The following UNC13C variants were observed in gnomAD, a reference collection of about 807,000 sequenced individuals.
UNC13C encodes unc-13 homolog C, also known as protein unc-13 homolog C.
In UNC13C, 174 loss-of-function variants were observed where a neutral mutation model predicts 245.4. The observed-to-expected ratio is 0.71, with a 90% confidence interval of 0.63 to 0.80. The LOEUF is 0.80. UNC13C is among the 30% of genes least tolerant of loss of function. The probability of loss-of-function intolerance (pLI) is 0.00; values close to 1 mark genes in which losing one functional copy is unlikely to be tolerated. For missense variants in UNC13C, 2,829 were observed against 2,602.9 expected (o/e 1.09, Z -1.89); for synonymous variants, 992 against 895.1 (o/e 1.11, Z -1.93).
chr15:54,090,591 A>G (rs2141135475), intron 2 of UNC13C, among the ~76,000 whole-genome samples: 1 of 152,294 alleles, frequency 6.6e-6, no homozygotes. Flanking sequence ...GCTCTTAACC[A>G]ATTATGTTGT....
chr15:54,485,774 C>T (rs1461350397), intron 19 of UNC13C, among the ~76,000 whole-genome samples: 1 of 152,136 alleles, frequency 6.6e-6, no homozygotes, highest in Non-Finnish European at 1.5e-5. Flanking sequence ...TTGAGCTTGT[C>T]AAGCACACTT....
chr15:54,145,173 A>G (rs1004480846), intron 4 of UNC13C, among the ~76,000 whole-genome samples: 6 of 152,088 alleles, frequency 3.9e-5, no homozygotes, highest in Non-Finnish European at 8.8e-5. Context: ...ATTTATGTAC[A>G]GTATAAATAG....
intron 32 of UNC13C, among the ~76,000 whole-genome samples, chr15:54,625,377 G>A (rs150650917): frequency 0.019 from 2,904 of 152,214 alleles, 53 homozygotes; most frequent in South Asian, 0.07. Flanking sequence ...GGGAAACTGG[G>A]CGATACCTGG....
intron 4 of UNC13C, among the ~76,000 whole-genome samples, chr15:54,204,255 C>A (rs1167612929): frequency 1.4e-5 from 2 of 141,386 alleles, no homozygotes; most frequent in Admixed American, 7.5e-5. Context: ...ATTCATGTAA[C>A]CAAACACCAC....
chr15:54,264,305 T>C lies in UNC13C; in HGVS notation c.3586T>C (p.Ser1196Pro). The C allele has an allele frequency of 6.2e-7, 1 of 1,604,274 alleles. No homozygotes were observed. Among genetic ancestry groups the C allele is most frequent in the East Asian group, 2.2e-5 (1 of 44,684 alleles). Reference sequence around the variant, plus strand: ...AGTAATCCAGGAAATGTTTCAGATTTCTAAAGAAGATTTTGTGCAGTTTAC... The same window carrying C: ...AGTAATCCAGGAAATGTTTCAGATTCCTAAAGAAGATTTTGTGCAGTTTAC... The part of the protein sequence containing the change: ...FEVIQEMFQI[S>P]KEDFVQFTKA... Residue 1196 changes from serine (S) to proline (P), a missense_variant, in exon 9 of 33, where the codon TCT (serine) becomes CCT (proline). By Grantham distance (74) the Ser-to-Pro change is moderately conservative (BLOSUM62 -1). Transcript: ENST00000260323.
the UNC13C span, among the ~76,000 whole-genome samples, chr15:53,904,896 T>G: frequency 9.8e-3 from 1,488 of 152,242 alleles, 14 homozygotes; most frequent in Middle Eastern, 0.061. Context: ...CTAGAGATGT[T>G]GTGGATTGAT....
chr15:54,300,442 T>A, intron 13 of UNC13C, 69 bp downstream of exon 13: 1 of 1,381,836 alleles, frequency 7.2e-7, no homozygotes, highest in Non-Finnish European at 9.8e-7. Flanking sequence ...GGAGCGTTCA[T>A]CTCACTTCTA....
the UNC13C span, among the ~76,000 whole-genome samples, chr15:53,889,056 G>T: frequency 1.3e-5 from 2 of 151,936 alleles, no homozygotes; most frequent in African/African-American, 4.8e-5. Flanking sequence ...TCCATATGAA[G>T]TTTAAAGTAG....
chr15:54,437,477 T>C (rs900559860), intron 19 of UNC13C, among the ~76,000 whole-genome samples: 6 of 151,940 alleles, frequency 3.9e-5, no homozygotes, highest in Non-Finnish European at 7.4e-5. Flanking sequence ...TTGTTCACAT[T>C]ACAGCTTTTC....
At chr15:53,982,861 ACT>A (rs1418831572) in intron 1 of UNC13C, among the ~76,000 whole-genome samples, 11 of 152,054 alleles carry the variant, frequency 7.2e-5, no homozygotes, top group African/African-American at 2.7e-4. Context: ...CACTGTGCAG[ACT>A]CTGTAGGCTT....
intron 17 of UNC13C, among the ~76,000 whole-genome samples, chr15:54,382,181 A>G (rs2140901061): frequency 6.6e-6 from 1 of 152,320 alleles, no homozygotes; most frequent in African/African-American, 2.4e-5. Context: ...TTATATTAAA[A>G]CATGTCTTGA....
At chr15:54,450,949 C>G (rs1270703133) in intron 19 of UNC13C, among the ~76,000 whole-genome samples, 1 of 152,122 alleles carries the variant, frequency 6.6e-6, no homozygotes, top group East Asian at 1.9e-4. Context: ...TCAGTTTTTG[C>G]TTGTCAGGGA....
At chr15:54,222,337 G>A (rs12904655) in intron 4 of UNC13C, among the ~76,000 whole-genome samples, 38,427 of 151,644 alleles carry the variant, frequency 0.25, 5,395 homozygotes, top group Non-Finnish European at 0.31. Flanking sequence ...ACCAGTAAGT[G>A]AGCGTATGCA....
At chr15:54,331,071 A>G (rs1398143433) in intron 14 of UNC13C, among the ~76,000 whole-genome samples, 2 of 152,070 alleles carry the variant, frequency 1.3e-5, no homozygotes, top group African/African-American at 4.8e-5. Context: ...TCGAGGCATA[A>G]GAGTTATATA....
At chr15:54,283,098 A>T (rs747222121) in intron 10 of UNC13C, among the ~76,000 whole-genome samples, 3 of 152,212 alleles carry the variant, frequency 2.0e-5, no homozygotes, top group Non-Finnish European at 4.4e-5. Flanking sequence ...CACATCAAAC[A>T]GGAAGACAAG....
intron 17 of UNC13C, among the ~76,000 whole-genome samples, chr15:54,361,021 A>G (rs2039218110): frequency 6.6e-6 from 1 of 152,136 alleles, no homozygotes; most frequent in South Asian, 2.1e-4. Context: ...TTTGGGAAAT[A>G]TTCACCCATT....
At position 54,085,577 on chromosome 15, in the gene UNC13C, C is replaced by T. The variant is rs114848459; in HGVS notation, c.2984-57441C>T. 1.5e-3 allele frequency among the ~76,000 whole-genome samples: 229 copies of T among 152,104 alleles called. 2 individuals are homozygous for T. Among genetic ancestry groups the T allele is most frequent in the African/African-American group, 5.2e-3 (218 of 41,526 alleles). On this transcript the variant is annotated intron_variant, in intron 2 of 32. Coordinates refer to ENST00000260323, the MANE Select transcript of UNC13C (RefSeq NM_001080534.3). Reference sequence around the variant, plus strand: ...GAAGAAGATACACCAACCTTTGCCTCGAAGTATTTATACTTTTTTCCAATA... The same window carrying T: ...GAAGAAGATACACCAACCTTTGCCTTGAAGTATTTATACTTTTTTCCAATA...
intron 1 of UNC13C, among the ~76,000 whole-genome samples, chr15:54,003,126 T>G (rs914003909): frequency 6.6e-6 from 1 of 152,200 alleles, no homozygotes; most frequent in African/African-American, 2.4e-5. Flanking sequence ...ACTCTAACCC[T>G]GCTGCCTGAA....
intron 4 of UNC13C, among the ~76,000 whole-genome samples, chr15:54,194,378 G>A (rs1039943642): frequency 2.0e-5 from 3 of 152,006 alleles, no homozygotes; most frequent in African/African-American, 4.8e-5. Context: ...AACATCCTCC[G>A]TTTGTAGAAT....
Sources: allele counts gnomAD v4.1 joint callset (sites outside exome capture counted in the v4.1 genomes callset), GRCh38; gene constraint gnomAD v4.1.1; transcripts MANE v1.5; gene names NCBI Gene and HGNC (gene_info 2026-07-23, HGNC 2026-07-21).